DHX33: variants seen among roughly 807,000 people sequenced by gnomAD.
The protein encoded by DHX33 is ATP-dependent RNA helicase DHX33.
DHX33 carries 42 observed loss-of-function variants against 72.5 expected under a neutral mutation model. That is an observed-to-expected ratio of 0.58 (90% confidence interval 0.45 to 0.75). The LOEUF (loss-of-function observed/expected upper bound fraction) is 0.75, where lower values mean the gene tolerates loss of function less well. Ranked by LOEUF, DHX33 falls within the 30% of genes least tolerant of loss-of-function variation. The pLI, the probability that DHX33 is intolerant of heterozygous loss-of-function variation, is 0.00. For synonymous variants in DHX33, 358 were observed against 366.1 expected, an observed-to-expected ratio of 0.98 and a Z score of 0.25; for missense variants, 842 against 917.5, an observed-to-expected ratio of 0.92 and a Z score of 1.06.
chr17:5,462,592 G>A (rs747556406), intron 2 of DHX33, 46 bp from the exon 3 acceptor site: 5 of 1,476,018 alleles, frequency 3.4e-6, no homozygotes, highest in Admixed American at 1.7e-5. Flanking sequence ...TTTCTTGAGC[G>A]CCCACTGTGT....
rs1432152599 is a variant in DHX33 at position 5,468,878 on chromosome 17, C to A, written c.-19G>T. On this transcript the variant is annotated 5_prime_UTR_variant, in exon 1 of 12. Coordinates refer to ENST00000225296, the MANE Select transcript of DHX33 (RefSeq NM_020162.4). Reference sequence around the variant, plus strand: ...CCGGCATGTCGGGAGGGCACCGCGGCGGGAGGCGCAAGCGCCGAGAGCTCC... The same window carrying A: ...CCGGCATGTCGGGAGGGCACCGCGGAGGGAGGCGCAAGCGCCGAGAGCTCC... The A allele has an allele frequency of 1.9e-6, 3 of 1,549,412 alleles. No homozygotes were observed. Among genetic ancestry groups the A allele is most frequent in the Non-Finnish European group, 2.6e-6 (3 of 1,146,808 alleles).
At chr17:5,451,546 G>A (rs565406822) in intron 8 of DHX33, among the ~76,000 whole-genome samples, 2 of 152,156 alleles carry the variant, frequency 1.3e-5, no homozygotes, top group Non-Finnish European at 2.9e-5. Context: ...AGACCATATC[G>A]CCAGAACCAA....
intron 3 of DHX33, among the ~76,000 whole-genome samples, chr17:5,461,570 A>C (rs1370163809): frequency 1.3e-5 from 2 of 150,984 alleles, no homozygotes; most frequent in Non-Finnish European, 1.5e-5. Flanking sequence ...GTGAGCTGAG[A>C]TCGCGTCACC....
At chr17:5,454,272 G>T (rs570970341) in intron 6 of DHX33, among the ~76,000 whole-genome samples, 2 of 152,326 alleles carry the variant, frequency 1.3e-5, no homozygotes, top group South Asian at 4.1e-4. Flanking sequence ...TTAGATGGTA[G>T]GATGGCCAAC....
rs374251385 is a variant in DHX33, at chr17:5,461,745, C to T, written c.678+574G>A. Among the ~76,000 whole-genome samples, 18 of 151,852 alleles carry T rather than the reference C, an allele frequency of 1.2e-4. No individual in the cohort carries two copies. In the East Asian group the frequency reaches 1.8e-3, roughly 15 times the overall value. ...TGTATTTTTAGTAGAGACGGGGTTT[C>T]ACCACGTTGGCCAGGCTGGTCTCGA... is the stretch of plus-strand genomic sequence containing the variant. On this transcript the variant is annotated intron_variant, in intron 3 of 11. Coordinates refer to ENST00000225296, the MANE Select transcript of DHX33 (RefSeq NM_020162.4).
At chr17:5,445,083 C>CTT (rs936357910) in intron 11 of DHX33, among the ~76,000 whole-genome samples, 5 of 146,044 alleles carry the variant, frequency 3.4e-5, no homozygotes, top group African/African-American at 7.5e-5. Flanking sequence ...TTCTTTCTTT[C>CTT]TTTTTTTTTT....
intron 8 of DHX33, among the ~76,000 whole-genome samples, chr17:5,452,700 C>G (rs1243922807): frequency 6.6e-6 from 1 of 152,118 alleles, no homozygotes; most frequent in Admixed American, 6.5e-5. Flanking sequence ...CCTGGACAAC[C>G]AGAGTGAGAC....
In DHX33 at chr17:5,468,692, G is replaced by C; in HGVS notation, c.168C>G (p.Ala56=). The part of the protein sequence containing the change: ...GGGRRQQPPL[A]QPSASPYPEA... ...CAGGGTAGGGACTGGCCGAGGGCTG[G>C]GCCAGGGGCGGCTGCTGCCTCCGGC... Residue 56 remains alanine, a synonymous_variant, in exon 1 of 12, where the codon GCC becomes GCG. Coordinates refer to ENST00000225296, the MANE Select transcript of DHX33 (RefSeq NM_020162.4). 6.2e-7 allele frequency: 1 copy of C among 1,611,696 alleles called. No homozygotes were observed. Among genetic ancestry groups the C allele is most frequent in the Non-Finnish European group, 8.5e-7 (1 of 1,179,308 alleles).
At position 5,450,838 on chromosome 17, in the gene DHX33, G is replaced by A; in HGVS notation, c.1493C>T (p.Ala498Val). The A allele has an allele frequency of 1.2e-6, 2 of 1,614,184 alleles. No homozygotes were observed. The highest frequency in any genetic ancestry group is 1.7e-6 in the Non-Finnish European group (2 of 1,180,028). The change falls in exon 9 of 12, where the codon GCA becomes GTA. Residue 498 changes from alanine to valine, a missense_variant. Ala to Val is a moderately conservative substitution (Grantham distance 64). Transcript: ENST00000225296. ...LTLTPMGRKM[A>V]AFPLEPKFAK... is the part of the protein sequence containing the mutation. ...AAATTTGGGTTCTAAAGGAAATGCT[G>A]CCATCTTTCTTCCCATTGGAGTCAG...
intron 4 of DHX33, 151 bp downstream of exon 4, chr17:5,460,788 T>A (rs1317193049): frequency 1.1e-6 from 1 of 911,982 alleles, no homozygotes; most frequent in Admixed American, 3.0e-5. Flanking sequence ...ATTACAGGCG[T>A]GAGCCACCGC....
At chr17:5,457,568 C>T (rs1904379123) in intron 4 of DHX33, among the ~76,000 whole-genome samples, 1 of 140,810 alleles carries the variant, frequency 7.1e-6, no homozygotes, top group Admixed American at 7.2e-5. Flanking sequence ...GCTCGTGTCA[C>T]TGCACTCCAG....
At chr17:5,467,425 A>C (rs1030194537) in intron 1 of DHX33, among the ~76,000 whole-genome samples, 1 of 152,184 alleles carries the variant, frequency 6.6e-6, no homozygotes, top group African/African-American at 2.4e-5. Flanking sequence ...GGATTGACAA[A>C]GCAGGAACAT....
chr17:5,463,911 G>C (rs1421500831), intron 1 of DHX33, among the ~76,000 whole-genome samples: 1 of 151,912 alleles, frequency 6.6e-6, no homozygotes, highest in Non-Finnish European at 1.5e-5. Flanking sequence ...CCAGCTACTA[G>C]GGAGGCTGAG....
intron 11 of DHX33, among the ~76,000 whole-genome samples, chr17:5,447,897 G>C (rs2151682989): frequency 6.6e-6 from 1 of 152,312 alleles, no homozygotes; most frequent in Admixed American, 6.5e-5. Flanking sequence ...ACGCATGTGA[G>C]GCCAGGCACA....
chr17:5,450,656 G>C, intron 9 of DHX33, 151 bp downstream of exon 9: 2 of 1,258,210 alleles, frequency 1.6e-6, no homozygotes, highest in Non-Finnish European at 2.2e-6. Context: ...ATCCCACACT[G>C]AACATGAATC....
intron 3 of DHX33, 97 bp from the exon 4 acceptor site, chr17:5,461,206 C>A: frequency 7.9e-7 from 1 of 1,272,824 alleles, no homozygotes; most frequent in Non-Finnish European, 1.1e-6. Context: ...GAGGCCTGTG[C>A]CACCCCCATC....
chr17:5,448,007 C>T (rs578033066), intron 11 of DHX33, among the ~76,000 whole-genome samples: 3 of 152,130 alleles, frequency 2.0e-5, no homozygotes, highest in Non-Finnish European at 2.9e-5. Context: ...GGTGAAACCC[C>T]GTCTCTACTA....
intron 5 of DHX33, 124 bp downstream of exon 5, chr17:5,455,873 G>T: frequency 9.4e-7 from 1 of 1,062,118 alleles, no homozygotes; most frequent in Non-Finnish European, 1.4e-6. Context: ...TCAGTGCGCT[G>T]ATCTGGCACC....
Position 5,441,156 on chromosome 17 carries a change from G to A in DHX33, c.*3049C>T, listed in dbSNP as rs1567594079. 3.9e-5 allele frequency: 2 copies of A among 51,342 alleles called. No homozygotes were observed. The highest frequency in any genetic ancestry group is 3.5e-3 in the South Asian group (2 of 578). 3.2% of individuals were successfully genotyped at this position (51,342 alleles called of 1,614,324 possible). ...AAAAAAATGCATGGCCACAGTTCCA[G>A]GCAGTTCCTGGTAGCTGGATTTAGT... is the stretch of plus-strand genomic sequence containing the variant. On this transcript the variant is annotated 3_prime_UTR_variant, in exon 12 of 12. Transcript: ENST00000225296.
Sources: allele counts gnomAD v4.1 joint callset (sites outside exome capture counted in the v4.1 genomes callset), GRCh38; gene constraint gnomAD v4.1.1; transcripts MANE v1.5; gene names NCBI Gene and HGNC (gene_info 2026-07-23, HGNC 2026-07-21).